Variants in TSPAN18 observed in about 807,000 individuals in gnomAD.
TSPAN18 encodes tetraspanin 18.
In TSPAN18, 14 loss-of-function variants were observed where a neutral mutation model predicts 27.3. The ratio of observed to expected loss-of-function variants is 0.51; its 90% CI spans 0.34 to 0.80. The LOEUF (loss-of-function observed/expected upper bound fraction) is 0.80, where lower values mean the gene tolerates loss of function less well. Among genes scored for constraint, TSPAN18 ranks in the 30% least tolerant of loss-of-function variants. The probability of loss-of-function intolerance (pLI) is 0.01; values close to 1 mark genes in which losing one functional copy is unlikely to be tolerated. For synonymous variants in TSPAN18, 143 were observed against 136.5 expected (o/e 1.05, Z -0.33); for missense variants, 268 against 323.9 (o/e 0.83, Z 1.32).
At chr11:44,876,939 G>A (rs928110786) in intron 3 of TSPAN18, among the ~76,000 whole-genome samples, 2 of 152,230 alleles carry the variant, frequency 1.3e-5, no homozygotes, top group African/African-American at 4.8e-5. Flanking sequence ...TCACGGAGCT[G>A]GGACTGGGAA....
At position 44,769,997 on chromosome 11, in the gene TSPAN18, G is replaced by T. The variant is rs113188771; in HGVS notation, c.-153+5485G>T. Among the ~76,000 whole-genome samples, 492 of 152,312 alleles carry T rather than the reference G, an allele frequency of 3.2e-3. 2 individuals carry two copies. The highest frequency in any genetic ancestry group is 1.0e-2 in the African/African-American group (414 of 41,562). On this transcript the variant is annotated intron_variant, in intron 2 of 9. Coordinates refer to ENST00000520358, the MANE Select transcript of TSPAN18 (RefSeq NM_130783.5). The stretch of plus-strand genomic sequence containing the variant: ...TCTCAATTTTTACATCTGCGGAATG[G>T]GTGTGGCGATAACAATGCCTAGCCC...
At chr11:44,929,106 T>C in intron 9 of TSPAN18, 25 bp from the exon 10 acceptor site, 4 of 1,612,848 alleles carry the variant, frequency 2.5e-6, no homozygotes, top group Non-Finnish European at 3.4e-6. Flanking sequence ...ATAAGCCAGT[T>C]CCTGCTCTTT....
intron 5 of TSPAN18, among the ~76,000 whole-genome samples, chr11:44,917,389 A>C (rs1459352052): frequency 6.6e-6 from 1 of 152,250 alleles, no homozygotes; most frequent in Non-Finnish European, 1.5e-5. Flanking sequence ...AGACTGTGTT[A>C]GATACCAAAC....
At chr11:44,819,233 T>C (rs1856876566) in intron 2 of TSPAN18, among the ~76,000 whole-genome samples, 2 of 152,036 alleles carry the variant, frequency 1.3e-5, no homozygotes, top group Admixed American at 6.5e-5. Flanking sequence ...AGGCTCCTGC[T>C]CTGTGCCCCT....
At chr11:44,880,855 C>T (rs547913031) in intron 3 of TSPAN18, among the ~76,000 whole-genome samples, 1 of 152,358 alleles carries the variant, frequency 6.6e-6, no homozygotes, top group African/African-American at 2.4e-5. Flanking sequence ...CAGCACCGCT[C>T]AATGCTGGGC....
In TSPAN18 at chr11:44,920,139, C is replaced by A. The variant is rs989359563; in HGVS notation, c.615+140C>A. 2.7e-5 allele frequency: 23 copies of A among 858,956 alleles called. 1 individual carries two copies. In the South Asian group the frequency reaches 3.9e-4, roughly 14 times the overall value. 53.2% of individuals were successfully genotyped at this position (858,956 alleles called of 1,614,324 possible). ...GAAGTGTTGGCCATGATATGGGATGCCTGCACCTGAGCAGGGGCTGATGGA... is the reference window on the plus strand; with the variant it reads ...GAAGTGTTGGCCATGATATGGGATGACTGCACCTGAGCAGGGGCTGATGGA... On this transcript the variant is annotated intron_variant, in intron 8 of 9. Coordinates refer to ENST00000520358, the MANE Select transcript of TSPAN18 (RefSeq NM_130783.5).
chr11:44,923,931 G>T (rs983336268), intron 8 of TSPAN18, among the ~76,000 whole-genome samples: 3 of 152,150 alleles, frequency 2.0e-5, no homozygotes, highest in Admixed American at 1.3e-4. Flanking sequence ...GCCAAAGCCT[G>T]ATAGGGGAAG....
At chr11:44,863,695 G>T (rs542793164) in intron 3 of TSPAN18, among the ~76,000 whole-genome samples, 14 of 152,242 alleles carry the variant, frequency 9.2e-5, no homozygotes, top group Middle Eastern at 3.4e-3. Context: ...AGCTCCTTCC[G>T]CTTGAAACAT....
chr11:44,736,325 A>G (rs1353349041), intron 1 of TSPAN18: 2 of 152,224 alleles, frequency 1.3e-5, no homozygotes, highest in Non-Finnish European at 2.9e-5. Flanking sequence ...AATTACAACC[A>G]GTTGGAGCTA....
At chr11:44,909,505 T>A (rs1859627120) in intron 4 of TSPAN18, 200 bp from the exon 5 acceptor site, 1 of 574,784 alleles carries the variant, frequency 1.7e-6, no homozygotes, top group African/African-American at 1.9e-5. Flanking sequence ...GCACTTAAGG[T>A]CACGGCAGCT....
At chr11:44,823,405 G>C (rs1394691215) in intron 2 of TSPAN18, among the ~76,000 whole-genome samples, 1 of 152,204 alleles carries the variant, frequency 6.6e-6, no homozygotes, top group Non-Finnish European at 1.5e-5. Flanking sequence ...CCCGAAGTCG[G>C]GTGGTTTCTC....
At position 44,746,810 on chromosome 11, in the gene TSPAN18, G is replaced by T. The variant is rs137881170; in HGVS notation, c.-239-17616G>T. On this transcript the variant is annotated intron_variant, in intron 1 of 9. Transcript: ENST00000520358. ...AGATTATGATTAGAAAATACACGGT[G>T]TGCCTGGGCAGCAGAGATGCTCAGC... Among the ~76,000 whole-genome samples the T allele has an allele frequency of 3.7e-3, 571 of 152,314 alleles. 3 individuals carry two copies. Among genetic ancestry groups the T allele is most frequent in the African/African-American group, 0.013 (551 of 41,570 alleles).
chr11:44,925,025 C>T (rs962097432), intron 8 of TSPAN18, among the ~76,000 whole-genome samples: 5 of 152,220 alleles, frequency 3.3e-5, no homozygotes, highest in Non-Finnish European at 5.9e-5. Context: ...ATGTCCTGGC[C>T]TGGCCTGGCC....
intron 1 of TSPAN18, among the ~76,000 whole-genome samples, chr11:44,739,956 CTGCATGGCCAGCCG>C (rs1471834841): frequency 1.2e-4 from 18 of 152,226 alleles, no homozygotes; most frequent in Non-Finnish European, 1.5e-5. Context: ...TGGCGTGCCA[CTGCATGGCCAGCCG>C]TGATGCAGTC....
chr11:44,826,776 G>T (rs1465169304), intron 2 of TSPAN18, among the ~76,000 whole-genome samples: 1 of 152,218 alleles, frequency 6.6e-6, no homozygotes, highest in Non-Finnish European at 1.5e-5. Context: ...ACACACAGGG[G>T]TTTGGATTCT....
At chr11:44,926,882 G>A (rs749612730) in intron 9 of TSPAN18, 125 bp downstream of exon 9, 1 of 917,368 alleles carries the variant, frequency 1.1e-6, no homozygotes, top group Non-Finnish European at 1.7e-6. Flanking sequence ...CCCCACTGTG[G>A]GTGCTATGGG....
At chr11:44,784,236 T>G (rs547737240) in intron 2 of TSPAN18, among the ~76,000 whole-genome samples, 13 of 152,250 alleles carry the variant, frequency 8.5e-5, no homozygotes, top group Admixed American at 8.5e-4. Context: ...TTCTAGGGAA[T>G]GGAGAGGGAC....
chr11:44,915,613 C>T (rs865968308), intron 5 of TSPAN18, among the ~76,000 whole-genome samples: 8 of 152,220 alleles, frequency 5.3e-5, no homozygotes, highest in African/African-American at 1.7e-4. Context: ...GCCAGGCAAC[C>T]TGCTGACCTG....
In TSPAN18 at chr11:44,815,799, G is replaced by A. The variant is rs137897956; in HGVS notation, c.-152-44529G>A. 4.4e-3 allele frequency among the ~76,000 whole-genome samples: 671 copies of A among 152,208 alleles called. 8 individuals carry two copies. Among genetic ancestry groups the A allele is most frequent in the Admixed American group, 0.04 (612 of 15,292 alleles). ...CTCTTGGAGGAGCGGGCAGTTGAGAGCAAGCTTGACAGCCCACCAGCCATG... is the reference window on the plus strand; with the variant it reads ...CTCTTGGAGGAGCGGGCAGTTGAGAACAAGCTTGACAGCCCACCAGCCATG... On this transcript the variant is annotated intron_variant, in intron 2 of 9. Transcript: ENST00000520358.
Sources: gnomAD v4.1 joint callset for allele counts (sites outside exome capture counted in the v4.1 genomes callset) on GRCh38, gnomAD v4.1.1 for gene constraint, MANE v1.5 for transcripts, NCBI Gene and HGNC (gene_info 2026-07-23, HGNC 2026-07-21) for gene names.